Variants in SNAI1 observed in about 807,000 individuals in gnomAD.
SNAI1 encodes zinc finger protein SNAI1.
SNAI1 carries 15 observed loss-of-function variants against 24.7 expected under a neutral mutation model. That is an observed-to-expected ratio of 0.61 (90% CI 0.41 to 0.93). The LOEUF (loss-of-function observed/expected upper bound fraction) is 0.93, where lower values mean the gene tolerates loss of function less well. Ranked by LOEUF, SNAI1 falls within the 40% of genes least tolerant of loss-of-function variation. SNAI1 has a pLI of 0.00. For missense variants in SNAI1, 283 were observed against 336.7 expected, an observed-to-expected ratio of 0.84 and a Z score of 1.25; for synonymous variants, 163 against 142.9, an observed-to-expected ratio of 1.14 and a Z score of -1.00.
Position 49,984,073 on chromosome 20 carries a change from C to G in SNAI1, c.332C>G (p.Ser111Trp), listed in dbSNP as rs762332137. 1 of 1,614,186 alleles carries G rather than the reference C, an allele frequency of 6.2e-7. No homozygotes were observed. Among genetic ancestry groups the G allele is most frequent in the Non-Finnish European group, 8.5e-7 (1 of 1,180,020 alleles). ...CCCAGCCCACCCTCACCGGCTCCTTCGTCCTTCTCCTCTACTTCAGTCTCT... is the reference window on the plus strand; with the variant it reads ...CCCAGCCCACCCTCACCGGCTCCTTGGTCCTTCTCCTCTACTTCAGTCTCT... ...QPPSPPSPAP[S>W]SFSSTSVSSL... The change falls in exon 2 of 3, where the codon TCG (serine) becomes TGG (tryptophan). Residue 111 changes from serine to tryptophan, a missense_variant. Coordinates refer to ENST00000244050, the MANE Select transcript of SNAI1 (RefSeq NM_005985.4).
intron 2 of SNAI1, among the ~76,000 whole-genome samples, chr20:49,986,961 T>C: frequency 6.6e-6 from 1 of 152,204 alleles, no homozygotes. Flanking sequence ...AACAGACTTA[T>C]TTATTCTCTA....
chr20:49,987,422 G>A (rs951961182), intron 2 of SNAI1, among the ~76,000 whole-genome samples: 2 of 152,186 alleles, frequency 1.3e-5, no homozygotes, highest in Admixed American at 6.5e-5. Flanking sequence ...AGGCTTTGGG[G>A]TCCTGCCAGG....
In SNAI1 at chr20:49,982,984, C is replaced by A. The variant is rs2078321019; in HGVS notation, c.-76C>A. The A allele has an allele frequency of 1.2e-6, 1 of 818,964 alleles. No homozygotes were observed. Among genetic ancestry groups the A allele is most frequent in the African/African-American group, 1.7e-5 (1 of 57,518 alleles). 50.7% of individuals were successfully genotyped at this position (818,964 alleles called of 1,614,324 possible). A position where few individuals can be genotyped will look rare whatever the true frequency, so the allele number is the denominator to read the frequency against. On this transcript the variant is annotated 5_prime_UTR_variant, in exon 1 of 3. Coordinates refer to ENST00000244050, the MANE Select transcript of SNAI1 (RefSeq NM_005985.4). Reference sequence around the variant, plus strand: ...GTTGGCGGCGCTGCTGCATTCATTGCGCCGCGGCACGGCCTAGCGAGTGGT... The same window carrying A: ...GTTGGCGGCGCTGCTGCATTCATTGAGCCGCGGCACGGCCTAGCGAGTGGT...
Position 49,983,017 on chromosome 20 carries a change from C to T in SNAI1, c.-43C>T, listed in dbSNP as rs372324713. ...CACGGCCTAGCGAGTGGTTCTTCTG[C>T]GCTACTGCTGCGCGAATCGGCGACC... is the stretch of plus-strand genomic sequence containing the variant. On this transcript the variant is annotated 5_prime_UTR_variant, in exon 1 of 3. Coordinates refer to ENST00000244050, the MANE Select transcript of SNAI1 (RefSeq NM_005985.4). 79 of 1,438,500 alleles carry T rather than the reference C, an allele frequency of 5.5e-5. No homozygotes were observed. The Admixed American group carries it at 5.6e-4, about 10-fold the overall frequency. The allele number at this position is 1,438,500 out of a possible 1,614,324, so 89.1% of individuals were successfully genotyped here. A position where few individuals can be genotyped will look rare whatever the true frequency, so the allele number is the denominator to read the frequency against.
In SNAI1 at chr20:49,988,365, C is replaced by A; in HGVS notation, c.*309C>A. 2 of 290,960 alleles carry A rather than the reference C, an allele frequency of 6.9e-6. No individual in the cohort carries two copies. The highest frequency in any genetic ancestry group is 1.3e-5 in the Non-Finnish European group (2 of 155,626). The allele number at this position is 290,960 out of a possible 1,614,324, so 18.0% of individuals were successfully genotyped here. On this transcript the variant is annotated 3_prime_UTR_variant, in exon 3 of 3. Coordinates refer to ENST00000244050, the MANE Select transcript of SNAI1 (RefSeq NM_005985.4). ...TGTATCCAGAGCTGTTTGGATACAG[C>A]TGCTTTGAGCTACAGGACAAAGGCT...
intron 1 of SNAI1, 32 bp from the exon 2 acceptor site, chr20:49,983,792 A>G: frequency 6.5e-7 from 1 of 1,536,966 alleles, no homozygotes; most frequent in Admixed American, 2.0e-5. Context: ...GAATGATTTA[A>G]TTAACGCCTG....
chr20:49,984,676 G>A (rs1302047704), intron 2 of SNAI1, among the ~76,000 whole-genome samples: 1 of 152,222 alleles, frequency 6.6e-6, no homozygotes, highest in African/African-American at 2.4e-5. Context: ...ACCCTCTCCC[G>A]GGTCCGCCCC....
At position 49,984,068 on chromosome 20, in the gene SNAI1, T is replaced by G. The variant is rs773895786; in HGVS notation, c.327T>G (p.Ala109=). Reference sequence around the variant, plus strand: ...AGCCCCCCAGCCCACCCTCACCGGCTCCTTCGTCCTTCTCCTCTACTTCAG... The same window carrying G: ...AGCCCCCCAGCCCACCCTCACCGGCGCCTTCGTCCTTCTCCTCTACTTCAG... The part of the protein sequence containing the change: ...GSQPPSPPSP[A]PSSFSSTSVS... Residue 109 remains alanine (A), a synonymous_variant, in exon 2 of 3, where the codon GCT becomes GCG. Coordinates refer to ENST00000244050, the MANE Select transcript of SNAI1 (RefSeq NM_005985.4). 2 of 1,614,080 alleles carry G rather than the reference T, an allele frequency of 1.2e-6. No individual in the cohort carries two copies. The highest frequency in any genetic ancestry group is 8.5e-7 in the Non-Finnish European group (1 of 1,179,986).
At chr20:49,984,980 C>A (rs926827076) in intron 2 of SNAI1, among the ~76,000 whole-genome samples, 2 of 149,566 alleles carry the variant, frequency 1.3e-5, no homozygotes, top group Non-Finnish European at 2.9e-5. Flanking sequence ...CTCTCTGAGC[C>A]TTAGGGGAAA....
chr20:49,983,405 AG>A (rs57610848), intron 1 of SNAI1, among the ~76,000 whole-genome samples: 40,958 of 138,468 alleles, frequency 0.3, 9,442 homozygotes, highest in African/African-American at 0.65. Flanking sequence ...GCTCCGCAAG[AG>A]GGGAAGGAGA....
rs1368393669 is a variant in SNAI1, at chr20:49,983,984, G to A, written c.243G>A (p.Glu81=). ...CCTGGGCCTCCCTTCGGCTCCAGGA[G>A]AGTCCCAGGGTGGCAGAGCTGACCT... The part of the protein sequence containing the change: ...PIAWASLRLQ[E]SPRVAELTSL... The change falls in exon 2 of 3, where the codon GAG becomes GAA. Residue 81 remains glutamate (E), a synonymous_variant. Transcript: ENST00000244050. The A allele has an allele frequency of 6.2e-7, 1 of 1,613,434 alleles. No homozygotes were observed. Among genetic ancestry groups the A allele is most frequent in the Non-Finnish European group, 8.5e-7 (1 of 1,179,824 alleles).
At chr20:49,986,180 A>G (rs1376004337) in intron 2 of SNAI1, among the ~76,000 whole-genome samples, 2 of 152,198 alleles carry the variant, frequency 1.3e-5, no homozygotes, top group African/African-American at 4.8e-5. Context: ...TCTCATTCAC[A>G]TGAAGACTTA....
rs895147455 is a variant in SNAI1 at position 49,988,335 on chromosome 20, G to T, written c.*279G>T. ...TTCCTGAGCTGGCCTGTCTGCGTGG[G>T]TTTTTGTATCCAGAGCTGTTTGGAT... On this transcript the variant is annotated 3_prime_UTR_variant, in exon 3 of 3. Coordinates refer to ENST00000244050, the MANE Select transcript of SNAI1 (RefSeq NM_005985.4). 2 of 401,918 alleles carry T rather than the reference G, an allele frequency of 5.0e-6. No homozygotes were observed. The highest frequency in any genetic ancestry group is 8.9e-6 in the Non-Finnish European group (2 of 224,536). The allele number at this position is 401,918 out of a possible 1,614,324, so 24.9% of individuals were successfully genotyped here.
chr20:49,986,307 G>A (rs2078333756), intron 2 of SNAI1, among the ~76,000 whole-genome samples: 1 of 152,106 alleles, frequency 6.6e-6, no homozygotes, highest in South Asian at 2.1e-4. Context: ...CCTTTGGAGT[G>A]GCGAGTTTCC....
chr20:49,987,177 A>G (rs2078336526), intron 2 of SNAI1, among the ~76,000 whole-genome samples: 1 of 152,216 alleles, frequency 6.6e-6, no homozygotes, highest in East Asian at 1.9e-4. Context: ...TGGAGAACAG[A>G]CAAGGAGATT....
At position 49,983,016 on chromosome 20, in the gene SNAI1, G is replaced by T. The variant is rs765449040; in HGVS notation, c.-44G>T. ...GCACGGCCTAGCGAGTGGTTCTTCT[G>T]CGCTACTGCTGCGCGAATCGGCGAC... On this transcript the variant is annotated 5_prime_UTR_variant, in exon 1 of 3. Coordinates refer to ENST00000244050, the MANE Select transcript of SNAI1 (RefSeq NM_005985.4). 4 of 1,474,928 alleles carry T rather than the reference G, an allele frequency of 2.7e-6. No homozygotes were observed. The highest frequency in any genetic ancestry group is 3.8e-6 in the Non-Finnish European group (4 of 1,064,534). The allele number at this position is 1,474,928 out of a possible 1,614,324, so 91.4% of individuals were successfully genotyped here.
chr20:49,985,936 C>G (rs1365138048), intron 2 of SNAI1, among the ~76,000 whole-genome samples: 1 of 152,238 alleles, frequency 6.6e-6, no homozygotes, highest in Non-Finnish European at 1.5e-5. Context: ...CGTGTGCACA[C>G]AGCCCCCGCC....
chr20:49,983,794 T>A, intron 1 of SNAI1, 30 bp from the exon 2 acceptor site: 1 of 1,538,136 alleles, frequency 6.5e-7, no homozygotes, highest in East Asian at 2.3e-5. Flanking sequence ...ATGATTTAAT[T>A]AACGCCTGAC....
chr20:49,987,551 G>A (rs1045392573), intron 2 of SNAI1, among the ~76,000 whole-genome samples: 1 of 152,118 alleles, frequency 6.6e-6, no homozygotes, highest in African/African-American at 2.4e-5. Context: ...TGACCACTTC[G>A]CACGTCCCTG....
Sources: allele counts gnomAD v4.1 joint callset (sites outside exome capture counted in the v4.1 genomes callset), GRCh38; gene constraint gnomAD v4.1.1; transcripts MANE v1.5; gene names NCBI Gene and HGNC (gene_info 2026-07-23, HGNC 2026-07-21).